Variants in ITGA8 observed in about 807,000 individuals in gnomAD.
ITGA8 encodes the protein integrin alpha-8.
Under a neutral mutation model 142.3 loss-of-function variants are expected in ITGA8, and 91 were observed. The observed-to-expected ratio is 0.64, with a 90% CI of 0.54 to 0.76. The LOEUF is 0.76. Among genes scored for constraint, ITGA8 ranks in the 30% least tolerant of loss-of-function variants. The probability of loss-of-function intolerance (pLI) is 0.00; values close to 1 mark genes in which losing one functional copy is unlikely to be tolerated. For missense variants in ITGA8, 1,406 were observed against 1,327.7 expected (o/e 1.06, Z -0.92); for synonymous variants, 505 against 485.2 (o/e 1.04, Z -0.54).
chr10:15,586,731 A>T, intron 22 of ITGA8, 67 bp from the exon 23 acceptor site: 3 of 920,924 alleles, frequency 3.3e-6, no homozygotes, highest in East Asian at 2.5e-5. Flanking sequence ...TATGATCATA[A>T]AAAACATTCT....
intron 27 of ITGA8, among the ~76,000 whole-genome samples, chr10:15,541,266 T>C (rs1385320043): frequency 1.3e-5 from 2 of 152,198 alleles, no homozygotes; most frequent in South Asian, 2.1e-4. Flanking sequence ...AAAGGCAACA[T>C]AGGGTTGCTT....
At chr10:15,635,233 T>C (rs1170944221) in intron 13 of ITGA8, among the ~76,000 whole-genome samples, 2 of 151,966 alleles carry the variant, frequency 1.3e-5, no homozygotes, top group South Asian at 2.1e-4. Context: ...TCTTGATCTC[T>C]TGACTTCATG....
Position 15,586,640 on chromosome 10 carries a change from G to A in ITGA8, c.2316C>T (p.Ser772=). The change falls in exon 23 of 30, where the codon AGC becomes AGT. Residue 772 remains serine, a synonymous_variant. Coordinates refer to ENST00000378076, the MANE Select transcript of ITGA8 (RefSeq NM_003638.3). ...TGTTGATTTGCAGGCTCACAAAATT[G>A]CTGTCTGGATTGTCCTTGTTGGAAC... The part of the protein sequence containing the change: ...IRSSNKDNPD[S]NFVSLQINIT... 2 of 1,612,594 alleles carry A rather than the reference G, an allele frequency of 1.2e-6. No homozygotes were observed. Among genetic ancestry groups the A allele is most frequent in the Non-Finnish European group, 1.7e-6 (2 of 1,178,736 alleles).
At chr10:15,663,946 A>C (rs1834337558) in intron 8 of ITGA8, among the ~76,000 whole-genome samples, 1 of 152,284 alleles carries the variant, frequency 6.6e-6, no homozygotes, top group African/African-American at 2.4e-5. Flanking sequence ...TAAAATTTTT[A>C]GTGATTTTTA....
intron 13 of ITGA8, among the ~76,000 whole-genome samples, chr10:15,618,708 C>T (rs1833438448): frequency 6.6e-6 from 1 of 152,168 alleles, no homozygotes; most frequent in South Asian, 2.1e-4. Flanking sequence ...CTTTTGGACT[C>T]CATCTTTCTC....
At chr10:15,661,625 T>C (rs1834289028) in intron 8 of ITGA8, among the ~76,000 whole-genome samples, 2 of 152,202 alleles carry the variant, frequency 1.3e-5, no homozygotes, top group South Asian at 4.1e-4. Flanking sequence ...TTAGACTTCT[T>C]ACTCTGATTC....
At chr10:15,610,967 C>G (rs61845583) in intron 15 of ITGA8, among the ~76,000 whole-genome samples, 6,505 of 152,060 alleles carry the variant, frequency 0.043, 178 homozygotes, top group Non-Finnish European at 0.064. Flanking sequence ...CCCCCTTTTT[C>G]TAACTTAGAA....
chr10:15,654,267 T>C (rs1318947778), intron 11 of ITGA8, among the ~76,000 whole-genome samples: 1 of 152,324 alleles, frequency 6.6e-6, no homozygotes, highest in East Asian at 1.9e-4. Context: ...GTTTTCGTTG[T>C]CTCCACAGTA....
intron 2 of ITGA8, among the ~76,000 whole-genome samples, chr10:15,702,701 T>C (rs1835188441): frequency 6.6e-6 from 1 of 152,220 alleles, no homozygotes; most frequent in South Asian, 2.1e-4. Context: ...CATGGCCTTC[T>C]TTCAGACATT....
rs1348418386 is a variant in ITGA8 at position 15,548,564 on chromosome 10, C to G, written c.2771G>C (p.Cys924Ser). The change falls in exon 27 of 30, where the codon TGT becomes TCT. Residue 924 changes from cysteine (C) to serine (S), a missense_variant. Transcript: ENST00000378076. Reference protein sequence around the residue: ...HRQSPAKILNCTNIECLQISC... With the variant: ...HRQSPAKILNSTNIECLQISC... Reference sequence around the variant, plus strand: ...GATTTGTAAACACTCGATATTTGTACAATTCTGCAAACAGCAGTGGGAACA... The same window carrying G: ...GATTTGTAAACACTCGATATTTGTAGAATTCTGCAAACAGCAGTGGGAACA... 1.6e-5 allele frequency: 25 copies of G among 1,606,326 alleles called. No homozygotes were observed. The highest frequency in any genetic ancestry group is 2.1e-5 in the Non-Finnish European group (25 of 1,174,796).
intron 27 of ITGA8, among the ~76,000 whole-genome samples, chr10:15,533,543 A>T (rs562782773): frequency 1.3e-5 from 2 of 152,216 alleles, no homozygotes; most frequent in Non-Finnish European, 2.9e-5. Flanking sequence ...GTGGGTAAGG[A>T]TTATAATTAT....
At chr10:15,530,962 ACACTAAAGCCTAG>A in intron 28 of ITGA8, 75 bp downstream of exon 28, 2 of 807,132 alleles carry the variant, frequency 2.5e-6, no homozygotes, top group South Asian at 3.6e-5. Context: ...GTCAATGTAA[ACACTAAAGCCTAG>A]CACAAGCTAG....
intron 25 of ITGA8, among the ~76,000 whole-genome samples, chr10:15,570,610 CAAAAAAAAA>C (rs931457896): frequency 2.5e-5 from 1 of 40,032 alleles, no homozygotes; most frequent in South Asian, 1.0e-3. Flanking sequence ...AACTCCATCT[CAAAAAAAAA>C]AAAAAAAAAA....
intron 5 of ITGA8, 73 bp downstream of exon 5, chr10:15,678,649 T>G: frequency 2.1e-6 from 2 of 949,786 alleles, no homozygotes; most frequent in South Asian, 1.3e-5. Flanking sequence ...GGTTTTGGGG[T>G]GTGGGAGTGA....
chr10:15,688,774 G>C (rs1834879800), intron 2 of ITGA8, among the ~76,000 whole-genome samples: 1 of 152,106 alleles, frequency 6.6e-6, no homozygotes, highest in Non-Finnish European at 1.5e-5. Flanking sequence ...TAGATGCAGA[G>C]AAAGCCTTTG....
intron 28 of ITGA8, among the ~76,000 whole-genome samples, chr10:15,524,767 C>T (rs917671351): frequency 1.3e-5 from 2 of 152,168 alleles, no homozygotes; most frequent in African/African-American, 2.4e-5. Context: ...TGCTGTGGGA[C>T]TGCAGGCTAG....
intron 27 of ITGA8, among the ~76,000 whole-genome samples, chr10:15,539,425 G>A (rs942774421): frequency 6.6e-6 from 1 of 152,090 alleles, no homozygotes; most frequent in Non-Finnish European, 1.5e-5. Context: ...TGTGGGTTGA[G>A]GCCTTGCACT....
intron 26 of ITGA8, among the ~76,000 whole-genome samples, chr10:15,549,431 G>A (rs1397777589): frequency 2.6e-5 from 4 of 151,852 alleles, no homozygotes; most frequent in African/African-American, 9.7e-5. Context: ...GGCTGGTCTC[G>A]CACTCCTGAC....
chr10:15,705,075 T>C (rs1264793969), intron 2 of ITGA8, among the ~76,000 whole-genome samples: 2 of 152,192 alleles, frequency 1.3e-5, no homozygotes, highest in African/African-American at 4.8e-5. Context: ...AAACCTTCTG[T>C]GTCTGTAATT....
Sources: gnomAD v4.1 joint callset for allele counts (sites outside exome capture counted in the v4.1 genomes callset) on GRCh38, gnomAD v4.1.1 for gene constraint, MANE v1.5 for transcripts, NCBI Gene and HGNC (gene_info 2026-07-23, HGNC 2026-07-21) for gene names.